Variants in TENM4 observed in about 807,000 individuals in gnomAD.
The protein encoded by TENM4 is teneurin transmembrane protein 4.
In TENM4, 82 loss-of-function variants were observed where a neutral mutation model predicts 243.3. The observed-to-expected ratio is 0.34, with a 90% CI of 0.28 to 0.40. The LOEUF (loss-of-function observed/expected upper bound fraction) is 0.40. Ranked by LOEUF, TENM4 falls within the 10% of genes least tolerant of loss-of-function variation. The pLI, the probability that TENM4 is intolerant of heterozygous loss-of-function variation, is 1.00. For synonymous variants in TENM4, 1,412 were observed against 1,456.3 expected (o/e 0.97, Z 0.69); for missense variants, 3,138 against 3,673.3 (o/e 0.85, Z 3.77).
intron 6 of TENM4, among the ~76,000 whole-genome samples, chr11:79,014,334 T>C (rs1482706303): frequency 6.6e-6 from 1 of 152,220 alleles, no homozygotes; most frequent in African/African-American, 2.4e-5. Context: ...AGGAAGCCTC[T>C]TTCTTAATGC....
intron 1 of TENM4, among the ~76,000 whole-genome samples, chr11:79,396,678 G>A (rs573511082): frequency 2.6e-5 from 4 of 152,306 alleles, no homozygotes; most frequent in East Asian, 3.9e-4. Flanking sequence ...AAGCCAAAGC[G>A]TCCACTTCCC....
intron 1 of TENM4, among the ~76,000 whole-genome samples, chr11:79,362,727 C>A (rs917025220): frequency 6.6e-6 from 1 of 152,172 alleles, no homozygotes; most frequent in Admixed American, 6.5e-5. Context: ...GCTCTGTGAC[C>A]CTGGGTAAGT....
chr11:79,031,221 C>T (rs894131526), intron 6 of TENM4, among the ~76,000 whole-genome samples: 7 of 152,154 alleles, frequency 4.6e-5, no homozygotes, highest in African/African-American at 1.7e-4. Context: ...TAGAGGAGCT[C>T]AGCAAAGGCT....
chr11:79,006,630 C>T (rs1375078572), intron 6 of TENM4, among the ~76,000 whole-genome samples: 3 of 152,144 alleles, frequency 2.0e-5, no homozygotes, highest in Admixed American at 6.5e-5. Flanking sequence ...TAGGGTGCAT[C>T]AGGCCTGGGA....
intron 2 of TENM4, among the ~76,000 whole-genome samples, chr11:79,252,264 T>C (rs1855624241): frequency 6.6e-6 from 1 of 152,240 alleles, no homozygotes; most frequent in South Asian, 2.1e-4. Flanking sequence ...AGACTGAGTC[T>C]TGCTCTGTCG....
chr11:79,113,530 C>G, intron 4 of TENM4, among the ~76,000 whole-genome samples: 1 of 151,772 alleles, frequency 6.6e-6, no homozygotes, highest in East Asian at 1.9e-4. Flanking sequence ...GTCTCTTACT[C>G]TCAAGGACAA....
intron 1 of TENM4, among the ~76,000 whole-genome samples, chr11:79,435,422 T>A (rs1859250698): frequency 6.6e-6 from 1 of 152,028 alleles, no homozygotes; most frequent in Non-Finnish European, 1.5e-5. Context: ...AAAGATGGAG[T>A]GATTCAGCTT....
rs1861835171 is a variant in TENM4 at position 79,124,875 on chromosome 11, GTATATA to G, written c.-66+23829_-66+23834del. On this transcript the variant is annotated intron_variant, in intron 4 of 33. Coordinates refer to ENST00000278550, the MANE Select transcript of TENM4 (RefSeq NM_001098816.3). ...TATGTATATATATGTATATGTATGT[GTATATA>G]TGTATATGTATATGTGTGTGTGTGT... 3.8e-5 allele frequency among the ~76,000 whole-genome samples: 4 copies of G among 106,558 alleles called. No homozygotes were observed. In the South Asian group the frequency reaches 1.2e-3, roughly 33 times the overall value. 69.9% of individuals were successfully genotyped at this position (106,558 alleles called of 152,430 possible).
intron 1 of TENM4, among the ~76,000 whole-genome samples, chr11:79,404,385 C>T (rs1490920643): frequency 1.3e-5 from 2 of 152,104 alleles, no homozygotes; most frequent in African/African-American, 2.4e-5. Flanking sequence ...TTATGTGTGG[C>T]TGCAGAGAAA....
In TENM4 at chr11:78,657,005, T is replaced by C. The variant is rs1386403026; in HGVS notation, c.*1053A>G. 2.5e-6 allele frequency: 1 copy of C among 397,986 alleles called. No homozygotes were observed. The highest frequency in any genetic ancestry group is 2.1e-5 in the African/African-American group (1 of 48,444). 24.7% of individuals were successfully genotyped at this position (397,986 alleles called of 1,614,324 possible). The stretch of plus-strand genomic sequence containing the variant: ...CTACGTCTCAGTGGTGGCGGCTGAG[T>C]GGTGGAGGGAAGATACTCAAAGTCA... On this transcript the variant is annotated 3_prime_UTR_variant, in exon 34 of 34. Transcript: ENST00000278550.
chr11:79,309,199 A>G (rs955667502), intron 1 of TENM4, among the ~76,000 whole-genome samples: 1 of 152,240 alleles, frequency 6.6e-6, no homozygotes, highest in South Asian at 2.1e-4. Flanking sequence ...CCTTGTTTCT[A>G]TATTAAATTC....
In TENM4 at chr11:78,953,369, G is replaced by A. The variant is rs1195124140; in HGVS notation, c.494-49846C>T. Among the ~76,000 whole-genome samples, 2 of 152,232 alleles carry A rather than the reference G, an allele frequency of 1.3e-5. 1 individual carries two copies. Among genetic ancestry groups the A allele is most frequent in the Non-Finnish European group, 2.9e-5 (2 of 68,042 alleles). ...TAATTGCTGGGGCTCTTCCAAGCCA[G>A]GAGGGGTAAGAGTGTAGGAATCTGC... On this transcript the variant is annotated intron_variant, in intron 6 of 33. Transcript: ENST00000278550.
intron 2 of TENM4, among the ~76,000 whole-genome samples, chr11:79,261,673 T>A (rs1338256500): frequency 6.6e-6 from 1 of 152,156 alleles, no homozygotes; most frequent in African/African-American, 2.4e-5. Flanking sequence ...CGTGATGGCT[T>A]CTACAATTTT....
chr11:79,388,028 A>G (rs1411623108), intron 1 of TENM4, among the ~76,000 whole-genome samples: 1 of 152,236 alleles, frequency 6.6e-6, no homozygotes, highest in Non-Finnish European at 1.5e-5. Context: ...TCAAAACTTG[A>G]ATAAACAGAA....
intron 2 of TENM4, among the ~76,000 whole-genome samples, chr11:79,271,297 A>C (rs1053559847): frequency 6.6e-6 from 1 of 152,194 alleles, no homozygotes; most frequent in African/African-American, 2.4e-5. Flanking sequence ...TCGAATGCTA[A>C]TCGGAAAGAC....
intron 27 of TENM4, among the ~76,000 whole-genome samples, chr11:78,702,864 T>C (rs557770650): frequency 2.9e-4 from 44 of 152,272 alleles, no homozygotes; most frequent in African/African-American, 9.9e-4. Flanking sequence ...GAAAGGCAGA[T>C]GGAGTCTGGA....
intron 2 of TENM4, among the ~76,000 whole-genome samples, chr11:79,220,359 G>A (rs1402708155): frequency 1.3e-5 from 2 of 152,206 alleles, no homozygotes; most frequent in African/African-American, 4.8e-5. Flanking sequence ...CTGGCACAGT[G>A]GCAAGAGGTG....
rs116698339 is a variant in TENM4, at chr11:78,881,570, G to C, written c.1084+8215C>G. ...GGTATCCTAGAACCATTAGCCAGGG[G>C]GTAGTACCATTCCTTGACACACTGC... On this transcript the variant is annotated intron_variant, in intron 9 of 33. Coordinates refer to ENST00000278550, the MANE Select transcript of TENM4 (RefSeq NM_001098816.3). Among the ~76,000 whole-genome samples, 817 of 152,196 alleles carry C rather than the reference G, an allele frequency of 5.4e-3. 8 individuals are homozygous for C. Among genetic ancestry groups the C allele is most frequent in the African/African-American group, 0.018 (768 of 41,520 alleles).
intron 24 of TENM4, among the ~76,000 whole-genome samples, chr11:78,721,478 G>A (rs1329397025): frequency 6.6e-6 from 1 of 152,170 alleles, no homozygotes; most frequent in Non-Finnish European, 1.5e-5. Context: ...GCATTAAGTC[G>A]AAGTGGCTCT....
Sources: gnomAD v4.1 joint callset for allele counts (sites outside exome capture counted in the v4.1 genomes callset) on GRCh38, gnomAD v4.1.1 for gene constraint, MANE v1.5 for transcripts, NCBI Gene and HGNC (gene_info 2026-07-23, HGNC 2026-07-21) for gene names.